Variants in ABRAXAS1 observed in about 807,000 individuals in gnomAD.
ABRAXAS1 encodes abraxas 1, BRCA1 A complex subunit, also known as BRCA1-A complex subunit Abraxas 1.
ABRAXAS1 carries 26 observed loss-of-function variants against 38.4 expected under a neutral mutation model. The observed-to-expected ratio is 0.68, with a 90% CI of 0.50 to 0.94. ABRAXAS1 has a LOEUF of 0.94. Ranked by LOEUF, ABRAXAS1 falls within the 40% of genes least tolerant of loss-of-function variation. The probability of loss-of-function intolerance (pLI) is 0.00; values close to 1 mark genes in which losing one functional copy is unlikely to be tolerated. For synonymous variants in ABRAXAS1, 144 were observed against 165.5 expected (o/e 0.87, Z 1.00); for missense variants, 438 against 481.9 (o/e 0.91, Z 0.85).
chr4:83,476,093 T>TG (rs1265640683), intron 3 of ABRAXAS1, among the ~76,000 whole-genome samples: 4 of 151,970 alleles, frequency 2.6e-5, no homozygotes, highest in Admixed American at 6.6e-5. Flanking sequence ...CCCAGCTACT[T>TG]GGGGGGCTGA....
chr4:83,465,156 C>T (rs1370313422), intron 7 of ABRAXAS1, among the ~76,000 whole-genome samples: 1 of 151,610 alleles, frequency 6.6e-6, no homozygotes, highest in Non-Finnish European at 1.5e-5. Flanking sequence ...ATTAGCCTGG[C>T]GTAGTGGTGG....
rs950746556 is a variant in ABRAXAS1 at position 83,477,663 on chromosome 4, G to T, written c.179-984C>A. 6.4e-5 allele frequency: 35 copies of T among 549,880 alleles called. No individual in the cohort carries two copies. The East Asian group carries it at 1.2e-3, about 19-fold the overall frequency. The allele number at this position is 549,880 out of a possible 1,614,324, so 34.1% of individuals were successfully genotyped here. ...AAACACGACTTCAGGTAGGTTCAAG[G>T]CCAAAGCATTGATGTCCGTTTCAAA... On this transcript the variant is annotated intron_variant, in intron 2 of 8. Transcript: ENST00000321945.
In ABRAXAS1 at chr4:83,460,841, G is replaced by A; in HGVS notation, c.*1628C>T. ...TAATCGATTGAGCCTGGGTGGCGGA[G>A]GTTGCAGTGAGGCGAGAGAGCACCA... On this transcript the variant is annotated 3_prime_UTR_variant, in exon 9 of 9. Coordinates refer to ENST00000321945, the MANE Select transcript of ABRAXAS1 (RefSeq NM_139076.3). 1.4e-6 allele frequency: 1 copy of A among 711,810 alleles called. No individual in the cohort carries two copies. The highest frequency in any genetic ancestry group is 2.4e-6 in the Non-Finnish European group (1 of 414,012). 44.1% of individuals were successfully genotyped at this position (711,810 alleles called of 1,614,324 possible).
At chr4:83,467,937 T>C (rs767767500) in intron 6 of ABRAXAS1, among the ~76,000 whole-genome samples, 49 of 152,126 alleles carry the variant, frequency 3.2e-4, no homozygotes, top group African/African-American at 1.1e-3. Context: ...TTATGATCCA[T>C]AAAATAATGA....
At chr4:83,483,126 G>A (rs1486497947) in intron 1 of ABRAXAS1, among the ~76,000 whole-genome samples, 2 of 152,150 alleles carry the variant, frequency 1.3e-5, no homozygotes, top group African/African-American at 4.8e-5. Context: ...CAATTTCAGA[G>A]TCTGCTTTCT....
chr4:83,468,495 T>G (rs916191678), intron 6 of ABRAXAS1, among the ~76,000 whole-genome samples: 2 of 152,144 alleles, frequency 1.3e-5, no homozygotes, highest in Non-Finnish European at 2.9e-5. Flanking sequence ...ACTTCCTTAC[T>G]TAATGGCCAC....
At chr4:83,465,900 G>A (rs1483674672) in intron 7 of ABRAXAS1, among the ~76,000 whole-genome samples, 2 of 152,174 alleles carry the variant, frequency 1.3e-5, no homozygotes, top group Non-Finnish European at 2.9e-5. Flanking sequence ...TTTTCTGTTA[G>A]TGTGCTCTAC....
At chr4:83,466,041 G>C (rs1050137867) in intron 7 of ABRAXAS1, among the ~76,000 whole-genome samples, 3 of 152,118 alleles carry the variant, frequency 2.0e-5, no homozygotes, top group Non-Finnish European at 4.4e-5. Context: ...GCTGTTCCTA[G>C]CCAATGACTA....
chr4:83,477,303 A>G (rs1001023838), intron 2 of ABRAXAS1, among the ~76,000 whole-genome samples: 5 of 149,390 alleles, frequency 3.3e-5, no homozygotes, highest in Admixed American at 6.6e-5. Context: ...TCAATTAGGG[A>G]AAAAAAATGC....
chr4:83,483,476 TCTC>T (rs376411876), intron 1 of ABRAXAS1, among the ~76,000 whole-genome samples: 3 of 151,978 alleles, frequency 2.0e-5, no homozygotes, highest in Admixed American at 6.6e-5. Context: ...AGACATGAGG[TCTC>T]CTTATGTTGC....
intron 2 of ABRAXAS1, among the ~76,000 whole-genome samples, chr4:83,481,027 G>C (rs781193343): frequency 6.6e-6 from 1 of 152,048 alleles, no homozygotes; most frequent in South Asian, 2.1e-4. Flanking sequence ...AGCTACTTGG[G>C]AGGCTGAAGC....
At chr4:83,464,069 C>A (rs1047041609) in intron 7 of ABRAXAS1, 2 of 152,222 alleles carry the variant, frequency 1.3e-5, no homozygotes, top group Non-Finnish European at 2.9e-5. Context: ...TGCCTGTAGT[C>A]CCAGCTACTC....
chr4:83,484,365 C>T lies in ABRAXAS1; in HGVS notation c.87+621G>A, dbSNP rs550432737. Among the ~76,000 whole-genome samples the T allele has an allele frequency of 7.2e-5, 11 of 152,356 alleles. No homozygotes were observed. The East Asian group carries it at 1.9e-3, about 27-fold the overall frequency. ...AACTACTTCCGAGCTCAACGTTTTA[C>T]AGCGTTTCTTTAATTTCATAGAACT... is the stretch of plus-strand genomic sequence containing the variant. On this transcript the variant is annotated intron_variant, in intron 1 of 8. Transcript: ENST00000321945.
At chr4:83,477,402 C>CAAA in intron 2 of ABRAXAS1, 2 of 163,942 alleles carry the variant, frequency 1.2e-5, no homozygotes. Flanking sequence ...GTGTCCGAAC[C>CAAA]AAAAAAAAAA....
rs1443719949 is a variant in ABRAXAS1 at position 83,461,966 on chromosome 4, TA to T, written c.*502del. 2 of 229,276 alleles carry T rather than the reference TA, an allele frequency of 8.7e-6. No homozygotes were observed. The highest frequency in any genetic ancestry group is 1.7e-5 in the Non-Finnish European group (2 of 115,734). The allele number at this position is 229,276 out of a possible 1,614,324, so 14.2% of individuals were successfully genotyped here. A position where few individuals can be genotyped will look rare whatever the true frequency, so the allele number is the denominator to read the frequency against. On this transcript the variant is annotated 3_prime_UTR_variant, in exon 9 of 9. Coordinates refer to ENST00000321945, the MANE Select transcript of ABRAXAS1 (RefSeq NM_139076.3). Reference sequence around the variant, plus strand: ...GGCAACTCTAGCCATAATGTACTTCTAAAAAAGTATCACTTAAGGAGAATTT... The same window carrying T: ...GGCAACTCTAGCCATAATGTACTTCTAAAAAGTATCACTTAAGGAGAATTT...
chr4:83,478,625 A>G (rs1432243249), intron 2 of ABRAXAS1, among the ~76,000 whole-genome samples: 1 of 152,192 alleles, frequency 6.6e-6, no homozygotes, highest in Non-Finnish European at 1.5e-5. Flanking sequence ...CCCTGAGAGA[A>G]AGTGTTAACA....
chr4:83,464,489 C>T (rs1722273275), intron 7 of ABRAXAS1, among the ~76,000 whole-genome samples: 1 of 152,048 alleles, frequency 6.6e-6, no homozygotes, highest in African/African-American at 2.4e-5. Flanking sequence ...CATAAAACAA[C>T]TGGGGGAGGG....
chr4:83,466,220 A>G (rs940327886), intron 7 of ABRAXAS1, among the ~76,000 whole-genome samples: 1 of 152,070 alleles, frequency 6.6e-6, no homozygotes, highest in African/African-American at 2.4e-5. Flanking sequence ...CAGGGGTCAG[A>G]CTTGCAGTGT....
intron 1 of ABRAXAS1, 73 bp from the exon 2 acceptor site, chr4:83,482,317 G>T (rs1684171030): frequency 4.3e-6 from 4 of 937,706 alleles, no homozygotes; most frequent in Non-Finnish European, 6.5e-6. Flanking sequence ...CGTATTTCCT[G>T]AGTATTTTAC....
Sources: allele counts gnomAD v4.1 joint callset (sites outside exome capture counted in the v4.1 genomes callset), GRCh38; gene constraint gnomAD v4.1.1; transcripts MANE v1.5; gene names NCBI Gene and HGNC (gene_info 2026-07-23, HGNC 2026-07-21).